The following PITPNC1 variants were observed in gnomAD, a reference collection of about 807,000 sequenced individuals.
The protein encoded by PITPNC1 is cytoplasmic phosphatidylinositol transfer protein 1.
In PITPNC1, 18 loss-of-function variants were observed where a neutral mutation model predicts 44.7. The ratio of observed to expected loss-of-function variants is 0.40; its 90% CI spans 0.28 to 0.60. The LOEUF (loss-of-function observed/expected upper bound fraction) is 0.60, where lower values mean the gene tolerates loss of function less well. PITPNC1 is among the 20% of genes least tolerant of loss of function. The probability of loss-of-function intolerance (pLI) is 0.39; values close to 1 mark genes in which losing one functional copy is unlikely to be tolerated. For missense variants in PITPNC1, 290 were observed against 418.4 expected (o/e 0.69, Z 2.68); for synonymous variants, 141 against 149.6 (o/e 0.94, Z 0.42).
chr17:67,552,595 G>A (rs910785103), intron 3 of PITPNC1, among the ~76,000 whole-genome samples: 2 of 151,720 alleles, frequency 1.3e-5, no homozygotes, highest in African/African-American at 4.8e-5. Flanking sequence ...AATAGTTTAC[G>A]GAGGGCCAGG....
intron 1 of PITPNC1, among the ~76,000 whole-genome samples, chr17:67,530,549 G>T (rs975262606): frequency 6.6e-6 from 1 of 152,106 alleles, no homozygotes; most frequent in African/African-American, 2.4e-5. Flanking sequence ...CTTCTGTAAA[G>T]ACCCTATCTC....
intron 1 of PITPNC1, among the ~76,000 whole-genome samples, chr17:67,515,911 C>A (rs550653815): frequency 2.5e-4 from 38 of 152,180 alleles, no homozygotes; most frequent in Non-Finnish European, 4.6e-4. Flanking sequence ...TTTGTGAGTC[C>A]AAATTAGGTG....
At chr17:67,428,509 GGC>G (rs776626132) in intron 1 of PITPNC1, among the ~76,000 whole-genome samples, 126 of 151,200 alleles carry the variant, frequency 8.3e-4, no homozygotes, top group Non-Finnish European at 1.2e-3. Flanking sequence ...CTTCAGCCTG[GGC>G]AACAGAGTGA....
At chr17:67,634,781 A>C (rs949873284) in intron 6 of PITPNC1, among the ~76,000 whole-genome samples, 1 of 150,226 alleles carries the variant, frequency 6.7e-6, no homozygotes, top group African/African-American at 2.4e-5. Context: ...GGCCGGGCGC[A>C]GTGCCTCACG....
chr17:67,463,783 G>A (rs771421282), intron 1 of PITPNC1, among the ~76,000 whole-genome samples: 1 of 151,856 alleles, frequency 6.6e-6, no homozygotes, highest in Non-Finnish European at 1.5e-5. Flanking sequence ...GCACACCTGT[G>A]GTTCCGGCGG....
At chr17:67,506,122 T>C in intron 1 of PITPNC1, among the ~76,000 whole-genome samples, 1 of 152,124 alleles carries the variant, frequency 6.6e-6, no homozygotes, top group East Asian at 1.9e-4. Context: ...GCTGGCGAGA[T>C]ATTACCTAGG....
intron 5 of PITPNC1, among the ~76,000 whole-genome samples, chr17:67,617,609 C>T (rs1002449882): frequency 9.8e-5 from 15 of 152,326 alleles, no homozygotes; most frequent in Middle Eastern, 3.4e-3. Context: ...AATTGATTCT[C>T]TTGCAGTTCT....
rs2040138785 is a variant in PITPNC1, at chr17:67,508,692, A to G, written c.49-24110A>G. Reference sequence around the variant, plus strand: ...GTTCAAATGCCTCTGACAAAAAGACAAATACTTAGCTGAGGTACCTTCAAG... The same window carrying G: ...GTTCAAATGCCTCTGACAAAAAGACGAATACTTAGCTGAGGTACCTTCAAG... On this transcript the variant is annotated intron_variant, in intron 1 of 8. Coordinates refer to ENST00000581322, the MANE Select transcript of PITPNC1 (RefSeq NM_012417.4). This position sits in a 1 kb window ranked among gnomAD's most constrained non-coding sequence, Gnocchi z 4.2. Among the ~76,000 whole-genome samples the G allele has an allele frequency of 6.6e-6, 1 of 152,128 alleles. No homozygotes were observed.
In PITPNC1 at chr17:67,406,967, T is replaced by C. The variant is rs192432322; in HGVS notation, c.48+28765T>C. On this transcript the variant is annotated intron_variant, in intron 1 of 8. Transcript: ENST00000581322. ...GGTTGTTTCCAGTTTTTGGCTATTA[T>C]GAACATTCACATACAAGCTTTTATT... Among the ~76,000 whole-genome samples the C allele has an allele frequency of 2.0e-5, 3 of 152,372 alleles. No homozygotes were observed. In the East Asian group the frequency reaches 5.8e-4, roughly 29 times the overall value.
At chr17:67,391,858 G>A (rs2038143626) in intron 1 of PITPNC1, among the ~76,000 whole-genome samples, 1 of 152,166 alleles carries the variant, frequency 6.6e-6, no homozygotes, top group Non-Finnish European at 1.5e-5. Flanking sequence ...TAGATGTTCT[G>A]TCCCAGTAAG....
intron 1 of PITPNC1, among the ~76,000 whole-genome samples, chr17:67,477,373 A>G (rs2039645433): frequency 6.6e-6 from 1 of 151,242 alleles, no homozygotes; most frequent in Admixed American, 6.6e-5. Context: ...CAGCCTCCCA[A>G]GTAGCTGGGA....
intron 1 of PITPNC1, among the ~76,000 whole-genome samples, chr17:67,413,124 C>T (rs538005794): frequency 1.4e-4 from 22 of 152,288 alleles, no homozygotes; most frequent in African/African-American, 5.3e-4. Context: ...GAGGTTAGAT[C>T]ATCCAGAAAG....
chr17:67,433,185 G>A (rs2038881374), intron 1 of PITPNC1, among the ~76,000 whole-genome samples: 1 of 152,192 alleles, frequency 6.6e-6, no homozygotes, highest in South Asian at 2.1e-4. Context: ...GCTTTCTATA[G>A]TTTTCCTGTC....
Position 67,413,127 on chromosome 17 carries a change from C to A in PITPNC1, c.48+34925C>A, listed in dbSNP as rs550369884. 2.0e-5 allele frequency among the ~76,000 whole-genome samples: 3 copies of A among 152,260 alleles called. No homozygotes were observed. In the South Asian group the frequency reaches 6.2e-4, roughly 32 times the overall value. ...GAAACCAAATTGGAGGTTAGATCAT[C>A]CAGAAAGAGAATTCAGTGTTTTCCA... On this transcript the variant is annotated intron_variant, in intron 1 of 8. Coordinates refer to ENST00000581322, the MANE Select transcript of PITPNC1 (RefSeq NM_012417.4).
chr17:67,552,439 G>A (rs1039488139), intron 3 of PITPNC1, 94 bp downstream of exon 3: 2 of 770,970 alleles, frequency 2.6e-6, no homozygotes, highest in Non-Finnish European at 4.7e-6. Context: ...ATCCAAGCAG[G>A]GCCTTGTGGG....
In PITPNC1 at chr17:67,695,405, AATGG is replaced by A. The variant is rs1238432233; in HGVS notation, c.*2521_*2524del. The A allele has an allele frequency of 6.6e-6, 1 of 152,052 alleles. No individual in the cohort carries two copies. The highest frequency in any genetic ancestry group is 1.5e-5 in the Non-Finnish European group (1 of 68,012). 9.4% of individuals were successfully genotyped at this position (152,052 alleles called of 1,614,324 possible). A position where few individuals can be genotyped will look rare whatever the true frequency, so the allele number is the denominator to read the frequency against. ...TTGTTATTGTGGAATACAAGCCTGC[AATGG>A]ATGTATATATACAGAACATTAATAA... On this transcript the variant is annotated 3_prime_UTR_variant, in exon 9 of 9. Transcript: ENST00000581322.
intron 1 of PITPNC1, among the ~76,000 whole-genome samples, chr17:67,451,630 T>A (rs1256396108): frequency 1.4e-5 from 2 of 142,172 alleles, no homozygotes; most frequent in Non-Finnish European, 3.1e-5. Context: ...GAGACTGACC[T>A]TTTTTTTTTT....
chr17:67,549,163 A>T (rs2040723686), intron 2 of PITPNC1, among the ~76,000 whole-genome samples: 1 of 152,174 alleles, frequency 6.6e-6, no homozygotes, highest in South Asian at 2.1e-4. Flanking sequence ...GACTGATTAG[A>T]AGAGTTCAGG....
intron 5 of PITPNC1, among the ~76,000 whole-genome samples, chr17:67,581,291 C>T (rs2041230779): frequency 6.6e-6 from 1 of 152,346 alleles, no homozygotes; most frequent in South Asian, 2.1e-4. Context: ...GGGCCAGGCC[C>T]CTTTGAGACT....
Sources: gnomAD v4.1 joint callset for allele counts (sites outside exome capture counted in the v4.1 genomes callset) on GRCh38, gnomAD v4.1.1 for gene constraint, Gnocchi (gnomAD v3.1) non-coding constraint, MANE v1.5 for transcripts, NCBI Gene and HGNC (gene_info 2026-07-23, HGNC 2026-07-21) for gene names.